Variants in IL1R2 observed in about 807,000 individuals in gnomAD.
The protein encoded by IL1R2 is interleukin 1 receptor type 2.
In IL1R2, 46 loss-of-function variants were observed where a neutral mutation model predicts 39.5. That is an observed-to-expected ratio of 1.16 (90% CI 0.92 to 1.49). The LOEUF is 1.49. Among genes scored for constraint, IL1R2 ranks in the 40% most tolerant of loss-of-function variants. The pLI, the probability that IL1R2 is intolerant of heterozygous loss-of-function variation, is 0.00. For synonymous variants in IL1R2, 207 were observed against 189.6 expected (o/e 1.09, Z -0.75); for missense variants, 537 against 502.0 (o/e 1.07, Z -0.67).
At chr2:102,005,660 G>A (rs1676215709) in intron 1 of IL1R2, among the ~76,000 whole-genome samples, 1 of 152,144 alleles carries the variant, frequency 6.6e-6, no homozygotes, top group Admixed American at 6.5e-5. Context: ...GACCTCCCAG[G>A]GGGATCACAT....
intron 6 of IL1R2, among the ~76,000 whole-genome samples, chr2:102,024,097 G>A (rs1244238142): frequency 1.3e-5 from 2 of 151,926 alleles, no homozygotes; most frequent in African/African-American, 4.8e-5. Context: ...TTAAAGAAGG[G>A]TTGATCCCCA....
At chr2:102,001,059 C>G (rs577724922) in intron 1 of IL1R2, among the ~76,000 whole-genome samples, 1 of 152,158 alleles carries the variant, frequency 6.6e-6, no homozygotes, top group Non-Finnish European at 1.5e-5. Context: ...TCAGTCAGGG[C>G]AGGGTCTAAT....
At chr2:102,004,492 C>CAAAAA (rs34596104) in intron 1 of IL1R2, among the ~76,000 whole-genome samples, 1 of 99,314 alleles carries the variant, frequency 1.0e-5, no homozygotes, top group Non-Finnish European at 2.4e-5. Context: ...GGTTATTTGA[C>CAAAAA]AAAAAAAAAA....
intron 1 of IL1R2, among the ~76,000 whole-genome samples, chr2:101,996,962 T>C (rs1300102054): frequency 2.6e-5 from 4 of 152,172 alleles, no homozygotes; most frequent in Non-Finnish European, 5.9e-5. Flanking sequence ...GGCTCAAATC[T>C]ACCTCTCTTG....
At chr2:101,998,008 C>T (rs1286789683) in intron 1 of IL1R2, among the ~76,000 whole-genome samples, 1 of 152,200 alleles carries the variant, frequency 6.6e-6, no homozygotes, top group Non-Finnish European at 1.5e-5. Flanking sequence ...TCTGAGGAGG[C>T]CTTTGCTCTC....
rs1386614786 is a variant in IL1R2, at chr2:102,016,043, T to C, written c.505T>C (p.Trp169Arg). The C allele has an allele frequency of 6.2e-7, 1 of 1,610,494 alleles. No homozygotes were observed. Among genetic ancestry groups the C allele is most frequent in the East Asian group, 2.2e-5 (1 of 44,810 alleles). The change falls in exon 4 of 9, where the codon TGG becomes CGG. Residue 169 changes from tryptophan (W) to arginine (R), a missense_variant. Trp to Arg is a moderately radical substitution (Grantham distance 101). Transcript: ENST00000332549. ...TGACAAAACTGACGTGAAGATTCAA[T>C]GGTACAAGGTACGGCTTTAAAAAAT... ...TRDKTDVKIQ[W>R]YKDSLLLDKD...
chr2:102,002,290 G>GTGTGTCTGTGTC (rs200294532), intron 1 of IL1R2, among the ~76,000 whole-genome samples: 118 of 150,130 alleles, frequency 7.9e-4, no homozygotes, highest in African/African-American at 2.8e-3. Context: ...GTCTGTGTCT[G>GTGTGTCTGTGTC]TGTGTCTGTG....
intron 4 of IL1R2, 45 bp from the exon 5 acceptor site, chr2:102,019,590 AGAT>A (rs769581049): frequency 1.6e-6 from 2 of 1,260,384 alleles, no homozygotes; most frequent in African/African-American, 3.0e-5. Flanking sequence ...ATAGCCTTTG[AGAT>A]GTATATTGGT....
At chr2:102,019,584 C>T in intron 4 of IL1R2, 54 bp from the exon 5 acceptor site, 1 of 1,209,992 alleles carries the variant, frequency 8.3e-7, no homozygotes, top group East Asian at 2.4e-5. Context: ...TAATTCATAG[C>T]CTTTGAGATG....
intron 1 of IL1R2, among the ~76,000 whole-genome samples, chr2:101,993,580 T>TTG (rs1675447662): frequency 6.6e-6 from 1 of 151,088 alleles, no homozygotes; most frequent in South Asian, 2.1e-4. Context: ...GTCTGCCTGT[T>TTG]TCTCTCTCTC....
intron 3 of IL1R2, among the ~76,000 whole-genome samples, chr2:102,013,012 G>A (rs3218878): frequency 0.16 from 24,305 of 152,108 alleles, 2,271 homozygotes; most frequent in East Asian, 0.29. Flanking sequence ...CTAGCGTGGG[G>A]TCTGCCATGG....
intron 8 of IL1R2, among the ~76,000 whole-genome samples, chr2:102,027,841 T>A (rs1387939276): frequency 6.6e-6 from 1 of 152,216 alleles, no homozygotes; most frequent in African/African-American, 2.4e-5. Flanking sequence ...CTACTTCCTT[T>A]GATCCTCATG....
In IL1R2 at chr2:102,015,955, G is replaced by A. The variant is rs760997000; in HGVS notation, c.417G>A (p.Pro139=). The stretch of plus-strand genomic sequence containing the variant: ...CTTTCCTGCCGTTCATCTCATACCC[G>A]CAAATTTTAACCTTGTCAACCTCTG... ...TDAFLPFISY[P]QILTLSTSGV... is the part of the protein sequence containing the mutation. Residue 139 remains proline, a synonymous_variant, in exon 4 of 9, where the codon CCG becomes CCA. Transcript: ENST00000332549. The A allele has an allele frequency of 1.4e-5, 22 of 1,613,390 alleles. No homozygotes were observed. The highest frequency in any genetic ancestry group is 6.7e-5 in the Admixed American group (4 of 59,970).
At chr2:102,020,402 C>T (rs2072476) in intron 5 of IL1R2, among the ~76,000 whole-genome samples, 24,103 of 152,124 alleles carry the variant, frequency 0.16, 2,217 homozygotes, top group East Asian at 0.28. Context: ...ACATTTACTC[C>T]GTACCAACTG....
At chr2:102,005,701 A>G (rs1322094426) in intron 1 of IL1R2, among the ~76,000 whole-genome samples, 2 of 152,306 alleles carry the variant, frequency 1.3e-5, no homozygotes, top group Non-Finnish European at 2.9e-5. Flanking sequence ...ATTGATCCAC[A>G]TTTTGTCACA....
At chr2:102,021,056 C>T (rs956469136) in intron 5 of IL1R2, among the ~76,000 whole-genome samples, 3 of 152,148 alleles carry the variant, frequency 2.0e-5, no homozygotes, top group African/African-American at 7.2e-5. Flanking sequence ...CCCTGGATGC[C>T]CCAGCTCCAT....
At chr2:101,993,783 C>A (rs1025503876) in intron 1 of IL1R2, among the ~76,000 whole-genome samples, 1 of 152,148 alleles carries the variant, frequency 6.6e-6, no homozygotes, top group Non-Finnish European at 1.5e-5. Flanking sequence ...ACTCCTCTAC[C>A]CCCACCCACA....
chr2:102,011,393 C>T (rs1341821447), intron 3 of IL1R2, among the ~76,000 whole-genome samples: 2 of 152,350 alleles, frequency 1.3e-5, no homozygotes, highest in East Asian at 3.9e-4. Flanking sequence ...CTCACCAACA[C>T]ATGTTATTTT....
intron 6 of IL1R2, 86 bp from the exon 7 acceptor site, chr2:102,024,447 G>A (rs1200885146): frequency 1.4e-5 from 13 of 923,044 alleles, no homozygotes; most frequent in Non-Finnish European, 2.2e-5. Flanking sequence ...TGTTTGAGAA[G>A]CCGAGGAGGG....
Sources: allele counts gnomAD v4.1 joint callset (sites outside exome capture counted in the v4.1 genomes callset), GRCh38; gene constraint gnomAD v4.1.1; transcripts MANE v1.5; gene names NCBI Gene and HGNC (gene_info 2026-07-23, HGNC 2026-07-21).